The following PKD1L1 variants were observed in gnomAD, a reference collection of about 807,000 sequenced individuals.
PKD1L1 encodes the protein polycystin 1 like 1, transient receptor potential channel interacting, also known as polycystin-1-like protein 1.
In PKD1L1, 236 loss-of-function variants were observed where a neutral mutation model predicts 323.4. That is an observed-to-expected ratio of 0.73 (90% CI 0.66 to 0.81). The LOEUF is 0.81. PKD1L1 is among the 40% of genes least tolerant of loss of function. The pLI is 0.00. For synonymous variants in PKD1L1, 1,344 were observed against 1,335.0 expected (o/e 1.01, Z -0.15); for missense variants, 3,320 against 3,508.0 (o/e 0.95, Z 1.35).
chr7:47,956,199 A>G, the PKD1L1 span, among the ~76,000 whole-genome samples: 8 of 152,204 alleles, frequency 5.3e-5, no homozygotes, highest in African/African-American at 1.9e-4. Context: ...CTGTTTGATC[A>G]TAACACCTCT....
intron 56 of PKD1L1, among the ~76,000 whole-genome samples, chr7:47,786,937 C>T (rs552922931): frequency 7.9e-5 from 12 of 152,206 alleles, no homozygotes; most frequent in African/African-American, 2.2e-4. Flanking sequence ...GGCAACTCAC[C>T]GCATTTTGTT....
In PKD1L1 at chr7:47,800,301, G is replaced by A. The variant is rs572574452; in HGVS notation, c.8193+348C>T. Among the ~76,000 whole-genome samples the A allele has an allele frequency of 3.3e-5, 5 of 152,332 alleles. No individual in the cohort carries two copies. In the East Asian group the frequency reaches 9.6e-4, roughly 29 times the overall value. On this transcript the variant is annotated intron_variant, in intron 54 of 56. Transcript: ENST00000289672. Reference sequence around the variant, plus strand: ...AACTCTGATAAGATGGAAAGACTGAGAAAAGGCAACAGATACCCCTGAGGC... The same window carrying A: ...AACTCTGATAAGATGGAAAGACTGAAAAAAGGCAACAGATACCCCTGAGGC...
chr7:47,829,631 G>A (rs201855490), intron 43 of PKD1L1, 30 bp from the exon 44 acceptor site: 69 of 1,579,376 alleles, frequency 4.4e-5, no homozygotes, highest in Non-Finnish European at 5.6e-5. Context: ...AGCGCAGAGA[G>A]CCGCCCTATG....
chr7:47,908,843 C>G (rs183326895), intron 8 of PKD1L1, among the ~76,000 whole-genome samples: 37 of 152,314 alleles, frequency 2.4e-4, no homozygotes, highest in African/African-American at 8.7e-4. Context: ...CTGGGGCTTG[C>G]CCTCTCTTTC....
At chr7:47,924,890 C>A (rs1033329446) in intron 7 of PKD1L1, among the ~76,000 whole-genome samples, 1 of 152,138 alleles carries the variant, frequency 6.6e-6, no homozygotes, top group African/African-American at 2.4e-5. Flanking sequence ...ACTGTTCTGG[C>A]AGTATCAGCC....
intron 21 of PKD1L1, 80 bp from the exon 22 acceptor site, chr7:47,877,711 C>G: frequency 1.3e-6 from 2 of 1,493,110 alleles, no homozygotes; most frequent in Non-Finnish European, 1.8e-6. Context: ...ATAGATAAAC[C>G]TTATAGCAGG....
chr7:47,953,729 C>G, the PKD1L1 span, among the ~76,000 whole-genome samples: 4 of 152,248 alleles, frequency 2.6e-5, no homozygotes, highest in Admixed American at 1.3e-4. Context: ...CAAATTTGAA[C>G]TAGGTGAAGT....
At chr7:47,838,814 G>C (rs1018660677) in intron 36 of PKD1L1, among the ~76,000 whole-genome samples, 1 of 138,258 alleles carries the variant, frequency 7.2e-6, no homozygotes, top group Non-Finnish European at 1.5e-5. Context: ...GGAGGCAGAG[G>C]TTGCAGTGAG....
At chr7:47,796,430 G>A (rs1377306486) in intron 54 of PKD1L1, among the ~76,000 whole-genome samples, 1 of 152,200 alleles carries the variant, frequency 6.6e-6, no homozygotes, top group Non-Finnish European at 1.5e-5. Context: ...TCAACGCGAT[G>A]TGCATGCCCA....
Position 47,819,947 on chromosome 7 carries a change from T to C in PKD1L1, c.6965+1129A>G, listed in dbSNP as rs201377279. 2.1e-4 allele frequency: 48 copies of C among 226,128 alleles called. No individual in the cohort carries two copies. The East Asian group carries it at 4.2e-3, about 20-fold the overall frequency. The allele number at this position is 226,128 out of a possible 1,614,324, so 14.0% of individuals were successfully genotyped here. A position where few individuals can be genotyped will look rare whatever the true frequency, so the allele number is the denominator to read the frequency against. ...AAAGGCAACAAACACACTGATAGAGTTGCTGCATAAATGTGTCTTTAAATA... is the reference window on the plus strand; with the variant it reads ...AAAGGCAACAAACACACTGATAGAGCTGCTGCATAAATGTGTCTTTAAATA... On this transcript the variant is annotated intron_variant, in intron 46 of 56. Transcript: ENST00000289672.
chr7:47,838,894 A>G lies in PKD1L1; in HGVS notation c.5769+552T>C, dbSNP rs534086588. The stretch of plus-strand genomic sequence containing the variant: ...TCCATCTCAAAAAAAAAAAAAAAAA[A>G]AAAGAAAGAAAGTGCAAAATGCATG... On this transcript the variant is annotated intron_variant, in intron 36 of 56. Transcript: ENST00000289672. Among the ~76,000 whole-genome samples the G allele has an allele frequency of 8.8e-4, 133 of 151,634 alleles. 4 individuals carry two copies. In the Middle Eastern group the frequency reaches 0.011, roughly 12 times the overall value.
intron 56 of PKD1L1, among the ~76,000 whole-genome samples, chr7:47,784,078 A>C (rs1457985002): frequency 6.6e-6 from 1 of 152,186 alleles, no homozygotes; most frequent in Non-Finnish European, 1.5e-5. Flanking sequence ...CATCTAAATA[A>C]AAGGGATTAA....
chr7:47,880,053 T>C (rs1473772041), intron 21 of PKD1L1, among the ~76,000 whole-genome samples: 1 of 150,970 alleles, frequency 6.6e-6, no homozygotes, highest in Non-Finnish European at 1.5e-5. Context: ...CAGATTGAGA[T>C]AGGCATGGAA....
At chr7:47,951,756 C>G (rs1251391008), upstream of PKD1L1, among the ~76,000 whole-genome samples, 3 of 152,190 alleles carry the variant, frequency 2.0e-5, no homozygotes, top group South Asian at 2.1e-4. Context: ...ATTTGCAACT[C>G]AGGCAAGTGT....
chr7:47,838,589 G>A (rs1001781910), intron 36 of PKD1L1, among the ~76,000 whole-genome samples: 3 of 152,140 alleles, frequency 2.0e-5, no homozygotes, highest in African/African-American at 4.8e-5. Context: ...ATAAGAAAGT[G>A]CAAAATGCAG....
chr7:47,909,976 T>G (rs1482341004), intron 8 of PKD1L1, among the ~76,000 whole-genome samples: 1 of 152,176 alleles, frequency 6.6e-6, no homozygotes, highest in Non-Finnish European at 1.5e-5. Context: ...AAGAAATAGG[T>G]ACACTTTCCC....
At chr7:47,816,324 A>G (rs1028286816) in intron 46 of PKD1L1, among the ~76,000 whole-genome samples, 8 of 152,226 alleles carry the variant, frequency 5.3e-5, no homozygotes, top group Non-Finnish European at 1.0e-4. Flanking sequence ...TTAAGGGAGC[A>G]CTGAAATAAC....
At chr7:47,943,196 A>ATATG (rs1309093632) in intron 2 of PKD1L1, among the ~76,000 whole-genome samples, 200 bp downstream of exon 2, 17 of 134,992 alleles carry the variant, frequency 1.3e-4, no homozygotes, top group Non-Finnish European at 2.4e-4. Context: ...ATATATATAT[A>ATATG]TGTGTGTGTA....
Position 47,884,729 on chromosome 7 carries a change from C to T in PKD1L1, c.3206-72G>A. ...TCCCCTGAAATTAACAGCAGCTCCC[C>T]TGATGGGTCACATTGTCCTTGGTGT... On this transcript the variant is annotated intron_variant, in intron 18 of 56. Transcript: ENST00000289672. 2.5e-6 allele frequency: 3 copies of T among 1,212,350 alleles called. No homozygotes were observed. The South Asian group carries it at 3.7e-5, about 15-fold the overall frequency. The allele number at this position is 1,212,350 out of a possible 1,614,324, so 75.1% of individuals were successfully genotyped here.
Sources: gnomAD v4.1 joint callset for allele counts (sites outside exome capture counted in the v4.1 genomes callset) on GRCh38, gnomAD v4.1.1 for gene constraint, MANE v1.5 for transcripts, NCBI Gene and HGNC (gene_info 2026-07-23, HGNC 2026-07-21) for gene names.